Variants in PCCA observed in about 807,000 individuals in gnomAD.
PCCA encodes the protein propionyl-CoA carboxylase subunit alpha, also known as propionyl-CoA carboxylase alpha chain, mitochondrial.
PCCA carries 74 observed loss-of-function variants against 101.3 expected under a neutral mutation model. That is an observed-to-expected ratio of 0.73 (90% confidence interval 0.61 to 0.89). The LOEUF (loss-of-function observed/expected upper bound fraction) is 0.89. PCCA is among the 40% of genes least tolerant of loss of function. PCCA has a pLI of 0.00. For missense variants in PCCA, 891 were observed against 907.0 expected (o/e 0.98, Z 0.23); for synonymous variants, 294 against 313.6 (o/e 0.94, Z 0.66).
chr13:100,110,757 T>G (rs1205682955), intron 2 of PCCA, among the ~76,000 whole-genome samples: 1 of 152,192 alleles, frequency 6.6e-6, no homozygotes, highest in Admixed American at 6.5e-5. Flanking sequence ...TTTCCCAGAA[T>G]TTAGAAAATA....
intron 4 of PCCA, among the ~76,000 whole-genome samples, chr13:100,130,440 A>G (rs1236573060): frequency 6.6e-6 from 1 of 152,256 alleles, no homozygotes; most frequent in Admixed American, 6.5e-5. Context: ...TCTAGCTCAG[A>G]TAAATAGATA....
At chr13:100,119,048 A>C (rs958592856) in intron 4 of PCCA, among the ~76,000 whole-genome samples, 1 of 151,856 alleles carries the variant, frequency 6.6e-6, no homozygotes, top group Non-Finnish European at 1.5e-5. Flanking sequence ...ACCACCTCTC[A>C]TCTAATGTTT....
At chr13:100,494,692 A>AAAG (rs1555320103) in intron 21 of PCCA, among the ~76,000 whole-genome samples, 1 of 151,078 alleles carries the variant, frequency 6.6e-6, no homozygotes, top group African/African-American at 2.4e-5. Context: ...AAAAAAAAAA[A>AAAG]TTTTGTAATT....
chr13:100,097,618 C>T (rs192285376), intron 1 of PCCA, among the ~76,000 whole-genome samples: 1 of 152,264 alleles, frequency 6.6e-6, no homozygotes, highest in Admixed American at 6.5e-5. Context: ...ACTCGGGAGG[C>T]TGAGACGGGA....
At chr13:100,416,210 A>G (rs2078351436) in intron 19 of PCCA, among the ~76,000 whole-genome samples, 1 of 149,942 alleles carries the variant, frequency 6.7e-6, no homozygotes, top group African/African-American at 2.5e-5. Context: ...TTTTTCTGAG[A>G]CGGAGTCTCG....
At chr13:100,129,918 G>A (rs1193830691) in intron 4 of PCCA, among the ~76,000 whole-genome samples, 1 of 152,068 alleles carries the variant, frequency 6.6e-6, no homozygotes, top group African/African-American at 2.4e-5. Context: ...TTTTTCTCCT[G>A]TTTTGAGTTT....
At chr13:100,358,948 T>G (rs547503093) in intron 18 of PCCA, among the ~76,000 whole-genome samples, 23 of 152,046 alleles carry the variant, frequency 1.5e-4, no homozygotes, top group African/African-American at 5.3e-4. Flanking sequence ...ATACAAAAAA[T>G]TAGCCAGGTG....
intron 20 of PCCA, among the ~76,000 whole-genome samples, chr13:100,430,734 C>T (rs959346241): frequency 2.0e-5 from 3 of 152,132 alleles, no homozygotes; most frequent in South Asian, 4.1e-4. Context: ...GGTCATGTGC[C>T]GGTATAACAG....
At chr13:100,107,337 G>C (rs974285126) in intron 2 of PCCA, among the ~76,000 whole-genome samples, 4 of 152,276 alleles carry the variant, frequency 2.6e-5, no homozygotes, top group African/African-American at 7.2e-5. Flanking sequence ...AGACCATTAA[G>C]TTTCAGTTGG....
Position 100,196,354 on chromosome 13 carries a change from G to C in PCCA, c.469-12978G>C, listed in dbSNP as rs1238229361. On this transcript the variant is annotated intron_variant, in intron 6 of 23. Coordinates refer to ENST00000376285, the MANE Select transcript of PCCA (RefSeq NM_000282.4). ...TAAAAACAGAAAGTTTTCTATTGCT[G>C]TAATACTCACTCCCCATCAGTGTAG... Among the ~76,000 whole-genome samples, 4 of 152,134 alleles carry C rather than the reference G, an allele frequency of 2.6e-5. No individual in the cohort carries two copies. The East Asian group carries it at 5.8e-4, about 22-fold the overall frequency.
At chr13:100,276,213 CAA>C (rs59671834) in intron 12 of PCCA, among the ~76,000 whole-genome samples, 265 of 102,016 alleles carry the variant, frequency 2.6e-3, no homozygotes, top group African/African-American at 0.011. Context: ...TTGTCTGTAC[CAA>C]AAAAAAAAAA....
At chr13:100,164,505 A>G (rs574968514) in intron 6 of PCCA, among the ~76,000 whole-genome samples, 123 of 152,246 alleles carry the variant, frequency 8.1e-4, no homozygotes, top group African/African-American at 2.9e-3. Flanking sequence ...AGCCTGTGCT[A>G]TGTGCCCTGA....
At chr13:100,525,446 G>A (rs2087713429) in intron 22 of PCCA, among the ~76,000 whole-genome samples, 1 of 152,240 alleles carries the variant, frequency 6.6e-6, no homozygotes, top group Non-Finnish European at 1.5e-5. Flanking sequence ...AGCCACAGCA[G>A]AGCCCCTTAA....
chr13:100,529,951 G>A (rs2088264460), intron 23 of PCCA, 147 bp from the exon 24 acceptor site: 2 of 684,962 alleles, frequency 2.9e-6, no homozygotes, highest in African/African-American at 2.4e-5. Context: ...TCCCTTCGAT[G>A]GGCTCCGGTG....
At chr13:100,403,610 C>A (rs1295571182) in intron 19 of PCCA, among the ~76,000 whole-genome samples, 1 of 152,100 alleles carries the variant, frequency 6.6e-6, no homozygotes, top group African/African-American at 2.4e-5. Context: ...CCCATTGTTG[C>A]AGGACTTTTT....
intron 7 of PCCA, among the ~76,000 whole-genome samples, chr13:100,233,455 T>G (rs1371932057): frequency 1.3e-5 from 2 of 152,186 alleles, no homozygotes; most frequent in African/African-American, 4.8e-5. Flanking sequence ...AGAGTTTGAT[T>G]AAAGTTTTTT....
intron 2 of PCCA, among the ~76,000 whole-genome samples, chr13:100,106,255 T>C (rs1268528242): frequency 6.6e-6 from 1 of 152,206 alleles, no homozygotes; most frequent in Non-Finnish European, 1.5e-5. Context: ...TATGTCTTAA[T>C]AAATGTTTGT....
At chr13:100,462,763 A>C (rs1302101503) in intron 21 of PCCA, among the ~76,000 whole-genome samples, 1 of 152,226 alleles carries the variant, frequency 6.6e-6, no homozygotes, top group Non-Finnish European at 1.5e-5. Context: ...TACACTGGTG[A>C]CAGACACTGA....
chr13:100,343,739 T>C (rs1194241099), intron 18 of PCCA, among the ~76,000 whole-genome samples: 5 of 152,230 alleles, frequency 3.3e-5, no homozygotes, highest in African/African-American at 1.2e-4. Context: ...CGAGAAGTGA[T>C]ATAAATGTAT....
Sources: allele counts gnomAD v4.1 joint callset (sites outside exome capture counted in the v4.1 genomes callset), GRCh38; gene constraint gnomAD v4.1.1; transcripts MANE v1.5; gene names NCBI Gene and HGNC (gene_info 2026-07-23, HGNC 2026-07-21).